Variants in SIK2 observed in about 807,000 individuals in gnomAD.
SIK2 encodes serine/threonine-protein kinase SIK2.
In SIK2, 29 loss-of-function variants were observed where a neutral mutation model predicts 103.2. That is an observed-to-expected ratio of 0.28 (90% CI 0.21 to 0.38). SIK2 has a LOEUF of 0.38. Ranked by LOEUF, SIK2 falls within the 10% of genes least tolerant of loss-of-function variation. SIK2 has a pLI of 1.00. For missense variants in SIK2, 879 were observed against 1,171.0 expected (o/e 0.75, Z 3.64); for synonymous variants, 412 against 446.1 (o/e 0.92, Z 0.96).
chr11:111,692,387 A>AAAAAAAAC (rs1565360215), intron 4 of SIK2, among the ~76,000 whole-genome samples: 5 of 113,486 alleles, frequency 4.4e-5, no homozygotes, highest in African/African-American at 1.2e-4. Flanking sequence ...AAAAAAAAAA[A>AAAAAAAAC]ACACAAAAAG....
intron 3 of SIK2, among the ~76,000 whole-genome samples, 169 bp from the exon 4 acceptor site, chr11:111,687,832 C>G (rs972951126): frequency 6.6e-6 from 1 of 152,018 alleles, no homozygotes; most frequent in African/African-American, 2.4e-5. Context: ...GTCTCGATCT[C>G]CTGACCTCGT....
rs1351866801 is a variant in SIK2, at chr11:111,602,659, T to A, written c.96T>A (p.Ala32=). 6.5e-7 allele frequency: 1 copy of A among 1,530,602 alleles called. No homozygotes were observed. The highest frequency in any genetic ancestry group is 8.8e-7 in the Non-Finnish European group (1 of 1,137,738). The allele number at this position is 1,530,602 out of a possible 1,614,324, so 94.8% of individuals were successfully genotyped here. Residue 32 remains alanine, a synonymous_variant, in exon 1 of 15, where the codon GCT becomes GCA. Transcript: ENST00000304987. This position sits in a 1 kb window ranked among gnomAD's most constrained non-coding sequence, Gnocchi z 4.5. ...GCACGCTGGGCAAGGGCAACTTCGCTGTGGTGAAGCTGGGGCGGCACCGGA... is the reference window on the plus strand; with the variant it reads ...GCACGCTGGGCAAGGGCAACTTCGCAGTGGTGAAGCTGGGGCGGCACCGGA... ...IEGTLGKGNF[A]VVKLGRHRIT... is the part of the protein sequence containing the mutation.
intron 3 of SIK2, among the ~76,000 whole-genome samples, chr11:111,626,124 T>C (rs1413808302): frequency 2.0e-5 from 3 of 152,240 alleles, no homozygotes; most frequent in Non-Finnish European, 4.4e-5. Context: ...AAGAATCTGA[T>C]GTCCACAGAA....
At chr11:111,659,265 T>A (rs1942437086) in intron 3 of SIK2, among the ~76,000 whole-genome samples, 1 of 152,234 alleles carries the variant, frequency 6.6e-6, no homozygotes, top group South Asian at 2.1e-4. Context: ...CTGTTATTGT[T>A]GGCCCCTTTT....
chr11:111,648,954 C>T (rs1809066647), intron 3 of SIK2, among the ~76,000 whole-genome samples: 1 of 152,146 alleles, frequency 6.6e-6, no homozygotes, highest in Admixed American at 6.5e-5. Context: ...TGTCTTATTG[C>T]TGCAGTATAT....
intron 3 of SIK2, among the ~76,000 whole-genome samples, chr11:111,680,497 T>G (rs1287928241): frequency 6.6e-6 from 1 of 152,218 alleles, no homozygotes; most frequent in East Asian, 1.9e-4. Flanking sequence ...CCGATGAAAT[T>G]ACAAATTAAA....
chr11:111,684,159 A>C (rs541610407), intron 3 of SIK2, among the ~76,000 whole-genome samples: 1 of 152,282 alleles, frequency 6.6e-6, no homozygotes, highest in South Asian at 2.1e-4. Flanking sequence ...CAGATATACA[A>C]TGCCTTTGTT....
intron 3 of SIK2, among the ~76,000 whole-genome samples, chr11:111,668,541 A>T (rs1942580917): frequency 6.6e-6 from 1 of 152,172 alleles, no homozygotes; most frequent in South Asian, 2.1e-4. Context: ...ACACTTCATT[A>T]TATTTTATAA....
chr11:111,712,316 G>GC lies in SIK2; in HGVS notation c.1208dup (p.Ser404IlefsTer26). ...CAACGTGGAGGCCTTTTCATTTCCA[G>GC]CATCTGGCTGTCAGGCGGAAGCTGC... is the stretch of plus-strand genomic sequence containing the variant. On this transcript the variant is annotated frameshift_variant, in exon 9 of 15. Coordinates refer to ENST00000304987, the MANE Select transcript of SIK2 (RefSeq NM_015191.3). LOFTEE classifies it high-confidence loss of function. 6.2e-7 allele frequency: 1 copy of GC among 1,614,178 alleles called. No individual in the cohort carries two copies. The highest frequency in any genetic ancestry group is 8.5e-7 in the Non-Finnish European group (1 of 1,180,042).
At chr11:111,714,307 T>C in intron 9 of SIK2, among the ~76,000 whole-genome samples, 1 of 152,200 alleles carries the variant, frequency 6.6e-6, no homozygotes, top group Non-Finnish European at 1.5e-5. Context: ...AATTTAGATG[T>C]TTTCCCTAAG....
chr11:111,616,429 C>G, intron 2 of SIK2, 70 bp downstream of exon 2: 1 of 872,180 alleles, frequency 1.1e-6, no homozygotes, highest in Non-Finnish European at 1.8e-6. Flanking sequence ...CATGATTTTT[C>G]TTCTTATATT....
intron 4 of SIK2, among the ~76,000 whole-genome samples, chr11:111,693,395 A>G (rs950253953): frequency 5.9e-5 from 9 of 152,186 alleles, no homozygotes; most frequent in Admixed American, 4.6e-4. Flanking sequence ...GTGTGTACTC[A>G]TTGCCTCAAC....
intron 8 of SIK2, among the ~76,000 whole-genome samples, chr11:111,706,392 G>A (rs1943346541): frequency 6.6e-6 from 1 of 152,148 alleles, no homozygotes; most frequent in African/African-American, 2.4e-5. Flanking sequence ...GAGAGGCTGA[G>A]GCTAGAAATT....
chr11:111,692,357 A>C (rs1942963753), intron 4 of SIK2, among the ~76,000 whole-genome samples: 1 of 73,520 alleles, frequency 1.4e-5, no homozygotes. Flanking sequence ...TCTCAAAAAA[A>C]AAAAAAAAAA....
chr11:111,620,408 C>A lies in SIK2; in HGVS notation c.316+6C>A, dbSNP rs930833492. 3 of 1,566,498 alleles carry A rather than the reference C, an allele frequency of 1.9e-6. No individual in the cohort carries two copies. The highest frequency in any genetic ancestry group is 2.7e-5 in the African/African-American group (2 of 72,812). ...CAAAAATGGAGAAATTTTTGGTAAG[C>A]TTTTTCCTTTAAATTTTCTATTAAT... is the stretch of plus-strand genomic sequence containing the variant. On this transcript the variant is annotated splice_donor_region_variant and intron_variant, in intron 3 of 14. Coordinates refer to ENST00000304987, the MANE Select transcript of SIK2 (RefSeq NM_015191.3).
In SIK2 at chr11:111,723,885, A is replaced by G. The variant is rs771422638; in HGVS notation, c.2537A>G (p.Tyr846Cys). Residue 846 changes from tyrosine (Y) to cysteine (C), a missense_variant, in exon 15 of 15, where the codon TAT becomes TGT. This residue lies in a region of SIK2 where 375 missense variants were observed against 416.3 expected (regional missense o/e 0.90). Coordinates refer to ENST00000304987, the MANE Select transcript of SIK2 (RefSeq NM_015191.3). The part of the protein sequence containing the change: ...GAAPAPLQFS[Y>C]QTCELPSAAS... ...GCCCCAGCCCCCTTACAGTTCTCCT[A>G]TCAGACTTGTGAGCTGCCAAGCGCT... 5.0e-6 allele frequency: 8 copies of G among 1,613,376 alleles called. No individual in the cohort carries two copies. Among genetic ancestry groups the G allele is most frequent in the South Asian group, 1.1e-5 (1 of 91,034 alleles).
chr11:111,646,580 T>G lies in SIK2; in HGVS notation c.316+26178T>G, dbSNP rs1008181462. 4.6e-5 allele frequency among the ~76,000 whole-genome samples: 7 copies of G among 152,320 alleles called. No homozygotes were observed. The East Asian group carries it at 1.2e-3, about 25-fold the overall frequency. Reference sequence around the variant, plus strand: ...CCCTAAGTTTCCTCAATGTCCCTTTTTCATCTTTCCCTCCTGCCTGCTCCT... The same window carrying G: ...CCCTAAGTTTCCTCAATGTCCCTTTGTCATCTTTCCCTCCTGCCTGCTCCT... On this transcript the variant is annotated intron_variant, in intron 3 of 14. Transcript: ENST00000304987.
At chr11:111,683,975 A>G (rs903789516) in intron 3 of SIK2, among the ~76,000 whole-genome samples, 4 of 152,198 alleles carry the variant, frequency 2.6e-5, no homozygotes, top group Non-Finnish European at 4.4e-5. Context: ...ATCATAAAGC[A>G]TGGGGAAGAT....
intron 1 of SIK2, among the ~76,000 whole-genome samples, chr11:111,615,689 C>T (rs1469101494): frequency 2.0e-5 from 3 of 152,174 alleles, no homozygotes; most frequent in Admixed American, 2.0e-4. Context: ...AGTGCAGTTA[C>T]TAACATTTTA....
Sources: allele counts gnomAD v4.1 joint callset (sites outside exome capture counted in the v4.1 genomes callset), GRCh38; gene constraint gnomAD v4.1.1; regional missense constraint gnomAD v4.1.1; non-coding constraint Gnocchi (gnomAD v3.1); transcripts MANE v1.5; gene names NCBI Gene and HGNC (gene_info 2026-07-23, HGNC 2026-07-21).